Variants in ALDH9A1 observed in about 807,000 individuals in gnomAD.
ALDH9A1 encodes aldehyde dehydrogenase 9 family member A1.
ALDH9A1 carries 42 observed loss-of-function variants against 56.6 expected under a neutral mutation model. The observed-to-expected ratio is 0.74, with a 90% CI of 0.58 to 0.96. The LOEUF is 0.96. Among genes scored for constraint, ALDH9A1 ranks in the 40% least tolerant of loss-of-function variants. ALDH9A1 has a pLI of 0.00. For missense variants in ALDH9A1, 661 were observed against 651.5 expected (o/e 1.01, Z -0.16); for synonymous variants, 242 against 236.0 (o/e 1.03, Z -0.23).
chr1:165,667,716 G>A (rs1222358341), intron 8 of ALDH9A1, among the ~76,000 whole-genome samples: 1 of 152,078 alleles, frequency 6.6e-6, no homozygotes, highest in Non-Finnish European at 1.5e-5. Flanking sequence ...AATTCATGGG[G>A]GATGGACATT....
At chr1:165,667,987 A>G in intron 8 of ALDH9A1, among the ~76,000 whole-genome samples, 1 of 152,296 alleles carries the variant, frequency 6.6e-6, no homozygotes, top group Non-Finnish European at 1.5e-5. Flanking sequence ...AAGCATAAGA[A>G]TGATAAAAAC....
chr1:165,683,676 G>A (rs1010538633), intron 2 of ALDH9A1, among the ~76,000 whole-genome samples: 5 of 152,180 alleles, frequency 3.3e-5, no homozygotes, highest in African/African-American at 1.2e-4. Context: ...CCAAAGAATT[G>A]CAGCATATTC....
Position 165,695,291 on chromosome 1 carries a change from C to G in ALDH9A1, c.288G>C (p.Glu96Asp). 1 of 1,613,006 alleles carries G rather than the reference C, an allele frequency of 6.2e-7. No homozygotes were observed. The highest frequency in any genetic ancestry group is 1.3e-5 in the African/African-American group (1 of 74,922). ...CAGCCTCCAAAAGGATTCGGCAACG[C>G]TCCATGCCAGATTTTTGACTCCATA... is the stretch of plus-strand genomic sequence containing the variant. ...FKIWSQKSGMERCRILLEAAR... is the reference protein window; with the variant it reads ...FKIWSQKSGMDRCRILLEAAR... Residue 96 changes from glutamate to aspartate, a missense_variant, in exon 2 of 11, where the codon GAG becomes GAC. Glu to Asp is a conservative substitution (Grantham distance 45). Coordinates refer to ENST00000354775, the MANE Select transcript of ALDH9A1 (RefSeq NM_000696.4).
At position 165,698,487 on chromosome 1, in the gene ALDH9A1, G is replaced by A. The variant is rs1279824819; in HGVS notation, c.72C>T (p.Ala24=). The A allele has an allele frequency of 4.4e-6, 7 of 1,608,882 alleles. No individual in the cohort carries two copies. Among genetic ancestry groups the A allele is most frequent in the Non-Finnish European group, 5.9e-6 (7 of 1,178,074 alleles). Residue 24 remains alanine (A), a synonymous_variant, in exon 1 of 11, where the codon GCC becomes GCT. Coordinates refer to ENST00000354775, the MANE Select transcript of ALDH9A1 (RefSeq NM_000696.4). ...LRSLRPSPVA[A]MSTGTFVVSQ... Reference sequence around the variant, plus strand: ...ACACGACGAAGGTGCCAGTGCTCATGGCGGCGACAGGAGAGGGCCGAAGAC... The same window carrying A: ...ACACGACGAAGGTGCCAGTGCTCATAGCGGCGACAGGAGAGGGCCGAAGAC...
intron 4 of ALDH9A1, 43 bp from the exon 5 acceptor site, chr1:165,680,726 C>G (rs1649524964): frequency 6.5e-7 from 1 of 1,527,772 alleles, no homozygotes; most frequent in African/African-American, 1.4e-5. Context: ...CTTTCTAAGA[C>G]CAGTGATCCC....
chr1:165,680,227 T>G (rs1253563489), intron 5 of ALDH9A1, among the ~76,000 whole-genome samples: 2 of 127,238 alleles, frequency 1.6e-5, no homozygotes, highest in Non-Finnish European at 3.6e-5. Flanking sequence ...CCCTGTCCAC[T>G]AAGACACATC....
At position 165,669,244 on chromosome 1, in the gene ALDH9A1, C is replaced by A; in HGVS notation, c.1119+18G>T. The stretch of plus-strand genomic sequence containing the variant: ...TATAATCTTCCCCAACCCCACCCTA[C>A]TGCCAATTATTTCTTACCTGCTCCT... On this transcript the variant is annotated intron_variant, in intron 7 of 10. Coordinates refer to ENST00000354775, the MANE Select transcript of ALDH9A1 (RefSeq NM_000696.4). 6.3e-7 allele frequency: 1 copy of A among 1,586,316 alleles called. No homozygotes were observed. Among genetic ancestry groups the A allele is most frequent in the Non-Finnish European group, 8.6e-7 (1 of 1,167,382 alleles).
chr1:165,694,208 TAAA>T (rs755415401), intron 2 of ALDH9A1, among the ~76,000 whole-genome samples: 3 of 114,564 alleles, frequency 2.6e-5, no homozygotes, highest in Non-Finnish European at 1.9e-5. Flanking sequence ...AACTTAAGTA[TAAA>T]AAAAAAAAAA....
At chr1:165,666,847 C>A (rs1202443424) in intron 9 of ALDH9A1, among the ~76,000 whole-genome samples, 2 of 152,122 alleles carry the variant, frequency 1.3e-5, no homozygotes, top group African/African-American at 2.4e-5. Flanking sequence ...AGATATTAAT[C>A]ATATTACTAT....
In ALDH9A1 at chr1:165,683,026, A is replaced by G. The variant is rs1233831375; in HGVS notation, c.412T>C (p.Trp138Arg). 6.2e-7 allele frequency: 1 copy of G among 1,614,074 alleles called. No homozygotes were observed. The highest frequency in any genetic ancestry group is 2.2e-5 in the East Asian group (1 of 44,886). ...CCCGCATAATACTCCAGGCACTGCC[A>G]GGAAATGTCAATGTCCAAGCGGGCC... ...FEARLDIDIS[W>R]QCLEYYAGLA... Residue 138 changes from tryptophan to arginine, a missense_variant, in exon 3 of 11, where the codon TGG (tryptophan) becomes CGG (arginine). Transcript: ENST00000354775.
In ALDH9A1 at chr1:165,681,691, T is replaced by C. The variant is rs981605145; in HGVS notation, c.592+416A>G. ...AAGCTTATCAAAGCCTTGCTTATCA[T>C]TTCTCTTAAGACCCAAATGAAGAAA... is the stretch of plus-strand genomic sequence containing the variant. On this transcript the variant is annotated intron_variant, in intron 4 of 10. Transcript: ENST00000354775. Among the ~76,000 whole-genome samples, 44 of 152,212 alleles carry C rather than the reference T, an allele frequency of 2.9e-4. 1 individual carries two copies. Among genetic ancestry groups the C allele is most frequent in the African/African-American group, 1.1e-3 (44 of 41,444 alleles).
At chr1:165,687,294 CA>C (rs56034005) in intron 2 of ALDH9A1, among the ~76,000 whole-genome samples, 8 of 145,444 alleles carry the variant, frequency 5.5e-5, no homozygotes, top group African/African-American at 7.7e-5. Flanking sequence ...GAAGAGGGGG[CA>C]AAAAAAAAAA....
At chr1:165,679,837 C>A (rs1267382035) in intron 5 of ALDH9A1, among the ~76,000 whole-genome samples, 3 of 152,074 alleles carry the variant, frequency 2.0e-5, no homozygotes, top group Admixed American at 6.6e-5. Context: ...CATAGCAAGA[C>A]CCTATCTCTA....
chr1:165,664,321 T>C (rs1327063422), intron 10 of ALDH9A1, among the ~76,000 whole-genome samples: 2 of 152,208 alleles, frequency 1.3e-5, no homozygotes, highest in Non-Finnish European at 2.9e-5. Flanking sequence ...ATGAGAAATA[T>C]GTAAATGAAT....
At chr1:165,672,826 AC>A (rs1649222284) in intron 6 of ALDH9A1, among the ~76,000 whole-genome samples, 1 of 152,008 alleles carries the variant, frequency 6.6e-6, no homozygotes, top group Admixed American at 6.5e-5. Context: ...AGTCCCAGCT[AC>A]CCAGGAGGCT....
At chr1:165,678,103 A>G (rs551405838) in intron 6 of ALDH9A1, among the ~76,000 whole-genome samples, 115 of 152,220 alleles carry the variant, frequency 7.6e-4, no homozygotes, top group African/African-American at 2.6e-3. Flanking sequence ...TGGGAGGCCA[A>G]CGTGGGTGGA....
intron 6 of ALDH9A1, among the ~76,000 whole-genome samples, chr1:165,673,110 A>AC (rs1558004560): frequency 3.2e-5 from 4 of 124,226 alleles, no homozygotes; most frequent in Non-Finnish European, 5.5e-5. Flanking sequence ...GCAAAAAAAA[A>AC]AAAAAAAAAC....
In ALDH9A1 at chr1:165,698,440, C is replaced by G; in HGVS notation, c.119G>C (p.Gly40Ala). 2 of 1,606,500 alleles carry G rather than the reference C, an allele frequency of 1.2e-6. No homozygotes were observed. Among genetic ancestry groups the G allele is most frequent in the East Asian group, 2.3e-5 (1 of 44,288 alleles). Residue 40 changes from glycine (G) to alanine (A), a missense_variant, in exon 1 of 11, where the codon GGC becomes GCC. Transcript: ENST00000354775. ...GTCCGCCGGCTCCACGCGGGCCCCGCCGCGGTAATTGAGCGGCTGCGACAC... is the reference window on the plus strand; with the variant it reads ...GTCCGCCGGCTCCACGCGGGCCCCGGCGCGGTAATTGAGCGGCTGCGACAC... ...FVVSQPLNYR[G>A]GARVEPADAS...
chr1:165,670,526 G>GA (rs1649143274), intron 6 of ALDH9A1, among the ~76,000 whole-genome samples: 1 of 150,690 alleles, frequency 6.6e-6, no homozygotes, highest in Non-Finnish European at 1.5e-5. Flanking sequence ...CACAATTAAA[G>GA]AAAAAAAATT....
Sources: gnomAD v4.1 joint callset for allele counts (sites outside exome capture counted in the v4.1 genomes callset) on GRCh38, gnomAD v4.1.1 for gene constraint, MANE v1.5 for transcripts, NCBI Gene and HGNC (gene_info 2026-07-23, HGNC 2026-07-21) for gene names.